Variants in NCOA1 observed in about 807,000 individuals in gnomAD.
NCOA1 encodes Hin-2 protein.
In NCOA1, 35 loss-of-function variants were observed where a neutral mutation model predicts 150.9. The ratio of observed to expected loss-of-function variants is 0.23; its 90% CI spans 0.18 to 0.31. The LOEUF is 0.31. Among genes scored for constraint, NCOA1 ranks in the 10% least tolerant of loss-of-function variants. The pLI, the probability that NCOA1 is intolerant of heterozygous loss-of-function variation, is 1.00. For missense variants in NCOA1, 1,491 were observed against 1,749.3 expected, an observed-to-expected ratio of 0.85 and a Z score of 2.63; for synonymous variants, 590 against 630.0, an observed-to-expected ratio of 0.94 and a Z score of 0.95.
chr2:24,688,968 T>A (rs1672536517), intron 8 of NCOA1, among the ~76,000 whole-genome samples: 1 of 152,196 alleles, frequency 6.6e-6, no homozygotes, highest in South Asian at 2.1e-4. Flanking sequence ...TGCATATGGC[T>A]ATCCAGTTAT....
At chr2:24,494,372 G>A (rs561143790) in intron 1 of NCOA1, among the ~76,000 whole-genome samples, 2 of 151,970 alleles carry the variant, frequency 1.3e-5, no homozygotes, top group South Asian at 4.2e-4. Flanking sequence ...TGTCTTTTTT[G>A]CTGCGTCTCC....
At chr2:24,521,971 A>C (rs1056937965) in intron 1 of NCOA1, among the ~76,000 whole-genome samples, 1 of 151,842 alleles carries the variant, frequency 6.6e-6, no homozygotes. Context: ...CCTTCACTCC[A>C]ATCCCCTTCC....
At chr2:24,640,249 A>G (rs1572528397) in intron 3 of NCOA1, among the ~76,000 whole-genome samples, 1 of 138,686 alleles carries the variant, frequency 7.2e-6, no homozygotes, top group East Asian at 3.0e-4. Flanking sequence ...TTTCATGTTG[A>G]GTAATATTTT....
intron 3 of NCOA1, among the ~76,000 whole-genome samples, chr2:24,601,507 A>C (rs1366250297): frequency 6.6e-6 from 1 of 150,876 alleles, no homozygotes; most frequent in African/African-American, 2.4e-5. Flanking sequence ...GAGCCACTGC[A>C]TCTGGTCAGA....
At chr2:24,535,213 T>C (rs904457882) in intron 1 of NCOA1, among the ~76,000 whole-genome samples, 1 of 152,206 alleles carries the variant, frequency 6.6e-6, no homozygotes, top group Non-Finnish European at 1.5e-5. Context: ...ATGGCCTTCT[T>C]TGTCTCTTTT....
chr2:24,591,795 A>G (rs1667670206), intron 3 of NCOA1, among the ~76,000 whole-genome samples: 1 of 152,080 alleles, frequency 6.6e-6, no homozygotes, highest in South Asian at 2.1e-4. Context: ...TATTTTAAGA[A>G]TTTATAAATA....
chr2:24,655,048 GTGT>G (rs1379235740), intron 4 of NCOA1, among the ~76,000 whole-genome samples: 1 of 151,930 alleles, frequency 6.6e-6, no homozygotes, highest in African/African-American at 2.4e-5. Flanking sequence ...TTAATTTTAT[GTGT>G]TGTTGTCTCT....
At chr2:24,624,881 G>A (rs1335448449) in intron 3 of NCOA1, among the ~76,000 whole-genome samples, 3 of 152,072 alleles carry the variant, frequency 2.0e-5, no homozygotes, top group Non-Finnish European at 4.4e-5. Flanking sequence ...TGTAGAGAAG[G>A]GTTTGACAAA....
intron 20 of NCOA1, among the ~76,000 whole-genome samples, chr2:24,757,275 G>C (rs1018904765): frequency 6.6e-6 from 1 of 152,034 alleles, no homozygotes; most frequent in Non-Finnish European, 1.5e-5. Flanking sequence ...TCTTGTAGAT[G>C]GTCTCTGCAC....
At chr2:24,512,832 A>C (rs1282082728) in intron 1 of NCOA1, among the ~76,000 whole-genome samples, 1 of 152,194 alleles carries the variant, frequency 6.6e-6, no homozygotes, top group Admixed American at 6.5e-5. Flanking sequence ...ATCTGGACTC[A>C]TCTCTGACTG....
chr2:24,677,288 G>A (rs957142027), intron 7 of NCOA1, among the ~76,000 whole-genome samples: 2 of 152,170 alleles, frequency 1.3e-5, no homozygotes, highest in Non-Finnish European at 2.9e-5. Context: ...AGGTTCCAGT[G>A]AGCCAAGATC....
chr2:24,706,854 T>G lies in NCOA1; in HGVS notation c.1384T>G (p.Ser462Ala). ...TGCCTTAAACCAAGGACAGGCCAGT[T>G]CACAGAGCAGTAATCCCTCTTTAAA... Reference protein sequence around the residue: ...NVALNQGQASSQSSNPSLNLN... With the variant: ...NVALNQGQASAQSSNPSLNLN... Residue 462 changes from serine (S) to alanine (A), a missense_variant, in exon 13 of 23, where the codon TCA becomes GCA. Physicochemically the swap from Ser to Ala is moderately conservative, Grantham distance 99. Coordinates refer to ENST00000348332, the MANE Select transcript of NCOA1 (RefSeq NM_003743.5). The G allele has an allele frequency of 6.2e-7, 1 of 1,614,166 alleles. No individual in the cohort carries two copies. The highest frequency in any genetic ancestry group is 1.1e-5 in the South Asian group (1 of 91,078).
intron 3 of NCOA1, among the ~76,000 whole-genome samples, chr2:24,637,102 T>G (rs1435954470): frequency 6.6e-6 from 1 of 151,626 alleles, no homozygotes; most frequent in Non-Finnish European, 1.5e-5. Context: ...ATTATTATAC[T>G]TTAAGTTTTA....
At chr2:24,508,885 A>G (rs889542184) in intron 1 of NCOA1, among the ~76,000 whole-genome samples, 3 of 152,194 alleles carry the variant, frequency 2.0e-5, no homozygotes, top group Admixed American at 1.3e-4. Flanking sequence ...TGGTATCACT[A>G]TTGGCTTTTG....
chr2:24,530,940 C>T lies in NCOA1; in HGVS notation c.-395-33355C>T, dbSNP rs1051611378. On this transcript the variant is annotated intron_variant, in intron 1 of 22. Transcript: ENST00000348332. ...CCATATCAGCAGTATTATAGCCTCA[C>T]AATAAAAAATGCTCTTATAGCATTC... 7.2e-5 allele frequency among the ~76,000 whole-genome samples: 11 copies of T among 152,264 alleles called. No individual in the cohort carries two copies. In the East Asian group the frequency reaches 2.1e-3, roughly 29 times the overall value.
At chr2:24,524,725 A>T (rs1214926916) in intron 1 of NCOA1, among the ~76,000 whole-genome samples, 1 of 152,140 alleles carries the variant, frequency 6.6e-6, no homozygotes, top group African/African-American at 2.4e-5. Flanking sequence ...CTCCTGCCTC[A>T]GCCTCCTGAG....
chr2:24,645,510 GAAAAAAAAAAAAA>G (rs397873594), intron 4 of NCOA1, among the ~76,000 whole-genome samples: 1 of 73,342 alleles, frequency 1.4e-5, no homozygotes, highest in Non-Finnish European at 2.5e-5. Flanking sequence ...ACTCCTCTCA[GAAAAAAAAAAAAA>G]AAAAAAAATT....
chr2:24,574,255 C>G (rs1400289393), intron 2 of NCOA1, among the ~76,000 whole-genome samples: 10 of 151,998 alleles, frequency 6.6e-5, no homozygotes, highest in Admixed American at 6.5e-4. Context: ...ATGGAACACC[C>G]AAGCTGATTT....
intron 17 of NCOA1, among the ~76,000 whole-genome samples, chr2:24,737,351 C>A (rs1663366424): frequency 6.6e-6 from 1 of 152,126 alleles, no homozygotes; most frequent in Non-Finnish European, 1.5e-5. Flanking sequence ...AATTCAAGGG[C>A]AGAAATAGAC....
Sources: allele counts gnomAD v4.1 joint callset (sites outside exome capture counted in the v4.1 genomes callset), GRCh38; gene constraint gnomAD v4.1.1; transcripts MANE v1.5; gene names NCBI Gene and HGNC (gene_info 2026-07-23, HGNC 2026-07-21).